Variants in ADH1A observed in about 807,000 individuals in gnomAD.
ADH1A encodes the protein alcohol dehydrogenase 1A (class I), alpha polypeptide, also known as alcohol dehydrogenase 1A.
A neutral mutation model predicts 35.2 loss-of-function variants in ADH1A; 29 were observed. The ratio of observed to expected loss-of-function variants is 0.82; its 90% CI spans 0.61 to 1.12. The LOEUF is 1.12. Among genes scored for constraint, ADH1A ranks in the 50% most tolerant of loss-of-function variants. The probability of loss-of-function intolerance (pLI) is 0.00; values close to 1 mark genes in which losing one functional copy is unlikely to be tolerated. For missense variants in ADH1A, 469 were observed against 464.7 expected (o/e 1.01, Z -0.09); for synonymous variants, 147 against 164.8 (o/e 0.89, Z 0.83).
chr4:99,284,802 A>T lies in ADH1A; in HGVS notation c.261T>A (p.Gly87=), dbSNP rs761698032. The T allele has an allele frequency of 1.9e-6, 3 of 1,613,482 alleles. No homozygotes were observed. The African/African-American group carries it at 4.0e-5, about 22-fold the overall frequency. The part of the protein sequence containing the change: ...VGEGVTTVKP[G]DKVIPLAIPQ... ...GAATAGCGAGTGGGATGACTTTATC[A>T]CCTGGAGAGGGATAAAACAAATTCT... is the stretch of plus-strand genomic sequence containing the variant. Residue 87 remains glycine, a splice_region_variant and synonymous_variant, in exon 4 of 9, where the codon GGT becomes GGA. Transcript: ENST00000209668.
chr4:99,284,663 C>A (rs1733098755), intron 4 of ADH1A, 45 bp from the exon 5 acceptor site: 2 of 1,613,438 alleles, frequency 1.2e-6, no homozygotes, highest in Non-Finnish European at 8.5e-7. Context: ...GAGACAGGAC[C>A]ATAACTAATG....
chr4:99,279,865 G>A (rs1252876013), intron 7 of ADH1A, among the ~76,000 whole-genome samples: 2 of 152,062 alleles, frequency 1.3e-5, no homozygotes, highest in Non-Finnish European at 2.9e-5. Context: ...AAATATTGTT[G>A]TAGATTTCTG....
In ADH1A at chr4:99,282,354, C is replaced by T. The variant is rs544708432; in HGVS notation, c.820G>A (p.Asp274Asn). 1 of 1,614,172 alleles carries T rather than the reference C, an allele frequency of 6.2e-7. No individual in the cohort carries two copies. The highest frequency in any genetic ancestry group is 1.7e-4 in the Middle Eastern group (1 of 6,060). ...DFSFEVIGRL[D>N]TMMASLLCCH... Reference sequence around the variant, plus strand: ...CATGTCATGGTACATACCATGGTGTCAAGCCGACCGATGACTTCAAATGAA... The same window carrying T: ...CATGTCATGGTACATACCATGGTGTTAAGCCGACCGATGACTTCAAATGAA... The change falls in exon 6 of 9, where the codon GAC (aspartate) becomes AAC (asparagine). Residue 274 changes from aspartate to asparagine, a missense_variant. Coordinates refer to ENST00000209668, the MANE Select transcript of ADH1A (RefSeq NM_000667.4).
At chr4:99,279,737 A>G (rs1013502186) in intron 7 of ADH1A, among the ~76,000 whole-genome samples, 173 bp from the exon 8 acceptor site, 1 of 152,208 alleles carries the variant, frequency 6.6e-6, no homozygotes, top group African/African-American at 2.4e-5. Context: ...AGACTTAAAA[A>G]AAAATCACAG....
In ADH1A at chr4:99,282,552, C is replaced by G; in HGVS notation, c.622G>C (p.Ala208Pro). ...VFGLGGVGLSAIMGCKAAGAA... is the reference protein window; with the variant it reads ...VFGLGGVGLSPIMGCKAAGAA... ...CCAGCTGCTTTACAGCCCATAATAG[C>G]AGATAGGCCGACCCCTCCCAGGCCA... The change falls in exon 6 of 9, where the codon GCT (alanine) becomes CCT (proline). Residue 208 changes from alanine to proline, a missense_variant. Physicochemically the swap from Ala to Pro is conservative, Grantham distance 27 (BLOSUM62 -1). Coordinates refer to ENST00000209668, the MANE Select transcript of ADH1A (RefSeq NM_000667.4). The G allele has an allele frequency of 6.2e-7, 1 of 1,614,180 alleles. No individual in the cohort carries two copies. Among genetic ancestry groups the G allele is most frequent in the Non-Finnish European group, 8.5e-7 (1 of 1,180,036 alleles).
chr4:99,282,098 C>A, intron 6 of ADH1A: 1 of 619,918 alleles, frequency 1.6e-6, no homozygotes. Flanking sequence ...TCTATTATCA[C>A]TCAGTTAAGA....
intron 8 of ADH1A, among the ~76,000 whole-genome samples, chr4:99,278,771 T>C (rs889525527): frequency 6.6e-6 from 1 of 152,122 alleles, no homozygotes; most frequent in Admixed American, 6.6e-5. Context: ...TTTTATTAGC[T>C]GGTTGTGAGA....
chr4:99,284,784 G>C lies in ADH1A; in HGVS notation c.279C>G (p.Leu93=), dbSNP rs146103408. The C allele has an allele frequency of 2.5e-6, 4 of 1,614,130 alleles. No individual in the cohort carries two copies. The highest frequency in any genetic ancestry group is 3.4e-6 in the Non-Finnish European group (4 of 1,179,994). Residue 93 remains leucine (L), a synonymous_variant, in exon 4 of 9, where the codon CTC becomes CTG. Transcript: ENST00000209668. Reference sequence around the variant, plus strand: ...TGCATTTTCCACACTGAGGAATAGCGAGTGGGATGACTTTATCACCTGGAG... The same window carrying C: ...TGCATTTTCCACACTGAGGAATAGCCAGTGGGATGACTTTATCACCTGGAG... ...TVKPGDKVIP[L]AIPQCGKCRI... is the part of the protein sequence containing the mutation.
chr4:99,289,361 G>A (rs1733236911), intron 1 of ADH1A, among the ~76,000 whole-genome samples: 1 of 152,152 alleles, frequency 6.6e-6, no homozygotes. Context: ...TGAAATAATT[G>A]AGGATCCATT....
intron 3 of ADH1A, chr4:99,286,641 A>G (rs1733158535): frequency 2.6e-6 from 2 of 755,098 alleles, no homozygotes; most frequent in Non-Finnish European, 2.1e-6. Context: ...TGCTCAGTAC[A>G]TAATTGTTGA....
intron 8 of ADH1A, among the ~76,000 whole-genome samples, chr4:99,279,224 A>C (rs1732937286): frequency 6.6e-6 from 1 of 152,096 alleles, no homozygotes. Flanking sequence ...GCTTCAGCAC[A>C]ATAGGAAATG....
chr4:99,288,336 G>GGTGTGT (rs70955994), intron 1 of ADH1A, among the ~76,000 whole-genome samples: 11 of 149,656 alleles, frequency 7.4e-5, no homozygotes, highest in East Asian at 2.0e-4. Flanking sequence ...GTTAGAGTTG[G>GGTGTGT]GTGTGTGTGT....
intron 2 of ADH1A, among the ~76,000 whole-genome samples, 200 bp downstream of exon 2, chr4:99,287,364 A>G (rs1733178330): frequency 6.6e-6 from 1 of 152,220 alleles, no homozygotes; most frequent in Admixed American, 6.5e-5. Context: ...TTCTTTCTGT[A>G]CAAACACATA....
chr4:99,280,939 T>C (rs1732988359), intron 6 of ADH1A, among the ~76,000 whole-genome samples: 1 of 152,096 alleles, frequency 6.6e-6, no homozygotes, highest in East Asian at 1.9e-4. Context: ...AGTTAGAAAA[T>C]GGTTTAGGAT....
chr4:99,282,633 G>T, intron 5 of ADH1A, 27 bp from the exon 6 acceptor site: 10 of 1,603,970 alleles, frequency 6.2e-6, no homozygotes, highest in Non-Finnish European at 8.5e-6. Context: ...TGCAAAAATG[G>T]ATTATAAAAA....
chr4:99,280,317 G>A, intron 6 of ADH1A, 38 bp from the exon 7 acceptor site: 1 of 1,611,712 alleles, frequency 6.2e-7, no homozygotes, highest in Non-Finnish European at 8.5e-7. Context: ...TTAACATGGA[G>A]TCGCATAGTT....
chr4:99,284,351 C>T lies in ADH1A; in HGVS notation c.567+48G>A, dbSNP rs756307800. 2.5e-6 allele frequency: 4 copies of T among 1,585,078 alleles called. No individual in the cohort carries two copies. The South Asian group carries it at 4.4e-5, about 18-fold the overall frequency. On this transcript the variant is annotated intron_variant, in intron 5 of 8. Transcript: ENST00000209668. ...GTGAGACATTCCTTCCCTTTGGGTT[C>T]CTGACAGTCTGCGTGTAACTGTTTT...
At chr4:99,276,672 T>C in intron 8 of ADH1A, 24 bp from the exon 9 acceptor site, 1 of 1,604,192 alleles carries the variant, frequency 6.2e-7, no homozygotes. Flanking sequence ...GAAGAGACAT[T>C]GTATTAGCAT....
chr4:99,287,715 T>C (rs1560519464), intron 1 of ADH1A, 50 bp from the exon 2 acceptor site: 3 of 1,593,750 alleles, frequency 1.9e-6, no homozygotes, highest in Non-Finnish European at 2.6e-6. Context: ...ACGCTTGCAG[T>C]CAGATATTGT....
Sources: gnomAD v4.1 joint callset for allele counts (sites outside exome capture counted in the v4.1 genomes callset) on GRCh38, gnomAD v4.1.1 for gene constraint, MANE v1.5 for transcripts, NCBI Gene and HGNC (gene_info 2026-07-23, HGNC 2026-07-21) for gene names.